MYO16: variants seen among roughly 807,000 people sequenced by gnomAD.
The protein encoded by MYO16 is myosin XVI.
MYO16 carries 94 observed loss-of-function variants against 205.3 expected under a neutral mutation model. That is an observed-to-expected ratio of 0.46 (90% confidence interval 0.39 to 0.54). The LOEUF is 0.54. MYO16 is among the 20% of genes least tolerant of loss of function. The pLI, the probability that MYO16 is intolerant of heterozygous loss-of-function variation, is 0.00. For missense variants in MYO16, 2,315 were observed against 2,387.5 expected, an observed-to-expected ratio of 0.97 and a Z score of 0.63; for synonymous variants, 988 against 954.0, an observed-to-expected ratio of 1.04 and a Z score of -0.66.
chr13:109,130,859 A>T (rs1392416348), intron 31 of MYO16, among the ~76,000 whole-genome samples: 3 of 152,240 alleles, frequency 2.0e-5, no homozygotes, highest in Non-Finnish European at 2.9e-5. Flanking sequence ...AATTAAGTTT[A>T]GAGTAAATAA....
intron 7 of MYO16, among the ~76,000 whole-genome samples, chr13:108,815,274 C>T (rs1029272477): frequency 1.3e-5 from 2 of 152,068 alleles, no homozygotes; most frequent in Non-Finnish European, 2.9e-5. Flanking sequence ...TGTCCTAATC[C>T]GCAGAACCTG....
chr13:108,873,467 A>G (rs1287695427), intron 12 of MYO16, among the ~76,000 whole-genome samples: 1 of 152,254 alleles, frequency 6.6e-6, no homozygotes, highest in Non-Finnish European at 1.5e-5. Context: ...ATGTCTACAC[A>G]AGGCGGCAGG....
chr13:109,197,493 C>T (rs1283145530), intron 34 of MYO16, among the ~76,000 whole-genome samples: 6 of 152,056 alleles, frequency 3.9e-5, no homozygotes, highest in Admixed American at 3.9e-4. Flanking sequence ...TACGCTTACT[C>T]CCTTTAAACT....
Position 108,699,072 on chromosome 13 carries a change from C to A in MYO16, c.293-13589C>A, listed in dbSNP as rs1281371415. Among the ~76,000 whole-genome samples the A allele has an allele frequency of 5.3e-5, 6 of 113,456 alleles. No homozygotes were observed. The Admixed American group carries it at 5.4e-4, about 10-fold the overall frequency. The allele number at this position is 113,456 out of a possible 152,430, so 74.4% of individuals were successfully genotyped here. On this transcript the variant is annotated intron_variant, in intron 2 of 34. Transcript: ENST00000457511. ...GACTTACTTTTAAAAGACTGTCTCT[C>A]TCTGTCTCTCTCTCTCTCTCTCTCT...
chr13:108,815,075 T>C (rs1417367613), intron 7 of MYO16, among the ~76,000 whole-genome samples: 1 of 152,154 alleles, frequency 6.6e-6, no homozygotes, highest in African/African-American at 2.4e-5. Flanking sequence ...AAGCATAACA[T>C]AGATAGTAAT....
At position 108,882,736 on chromosome 13, in the gene MYO16, A is replaced by G. The variant is rs74119689; in HGVS notation, c.1426-323A>G. On this transcript the variant is annotated intron_variant, in intron 12 of 34. Coordinates refer to ENST00000457511, the MANE Select transcript of MYO16 (RefSeq NM_001198950.3). ...TGCTGAGAGAAATTGTATTTGTTGTAAATTACCACAGTTTCAGCTTACTGC... is the reference window on the plus strand; with the variant it reads ...TGCTGAGAGAAATTGTATTTGTTGTGAATTACCACAGTTTCAGCTTACTGC... Among the ~76,000 whole-genome samples, 636 of 152,304 alleles carry G rather than the reference A, an allele frequency of 4.2e-3. 3 individuals carry two copies. Among genetic ancestry groups the G allele is most frequent in the African/African-American group, 0.015 (604 of 41,578 alleles).
At chr13:108,945,298 C>T (rs567195336) in intron 16 of MYO16, among the ~76,000 whole-genome samples, 1 of 152,234 alleles carries the variant, frequency 6.6e-6, no homozygotes, top group East Asian at 1.9e-4. Flanking sequence ...TTGGGTCTTT[C>T]TGGAAAATTT....
chr13:108,867,587 G>C (rs1878784197), intron 12 of MYO16, among the ~76,000 whole-genome samples: 1 of 152,124 alleles, frequency 6.6e-6, no homozygotes, highest in South Asian at 2.1e-4. Flanking sequence ...CTGACATGTG[G>C]TTATTAAATG....
chr13:108,895,632 A>AGTGCC (rs1880377098), intron 14 of MYO16, among the ~76,000 whole-genome samples: 1 of 152,176 alleles, frequency 6.6e-6, no homozygotes, highest in Non-Finnish European at 1.5e-5. Flanking sequence ...GTGATTCTGA[A>AGTGCC]AGCCAACTCA....
At chr13:109,193,180 GTT>G (rs1250360886) in intron 34 of MYO16, among the ~76,000 whole-genome samples, 2 of 151,904 alleles carry the variant, frequency 1.3e-5, no homozygotes, top group Non-Finnish European at 2.9e-5. Flanking sequence ...TGTATATAAA[GTT>G]TGTAACTCCT....
chr13:108,801,197 C>T (rs925592085), intron 6 of MYO16, among the ~76,000 whole-genome samples: 1 of 152,102 alleles, frequency 6.6e-6, no homozygotes, highest in African/African-American at 2.4e-5. Flanking sequence ...AGTCAATTCA[C>T]AAAAGAAAAA....
At chr13:108,554,135 A>C in the MYO16 span, among the ~76,000 whole-genome samples, 1 of 152,076 alleles carries the variant, frequency 6.6e-6, no homozygotes, top group African/African-American at 2.4e-5. Flanking sequence ...TCATGGACCA[A>C]GTTAATTCTG....
rs145325303 is a variant in MYO16 at position 108,867,414 on chromosome 13, G to A, written c.1425+1172G>A. 3.3e-5 allele frequency among the ~76,000 whole-genome samples: 5 copies of A among 152,098 alleles called. No individual in the cohort carries two copies. The East Asian group carries it at 9.7e-4, about 29-fold the overall frequency. On this transcript the variant is annotated intron_variant, in intron 12 of 34. Coordinates refer to ENST00000457511, the MANE Select transcript of MYO16 (RefSeq NM_001198950.3). Reference sequence around the variant, plus strand: ...ATTAAATTAAAAAGTCAGTGCCATGGTTACTTTAAAGCTGTGTTGAAACCT... The same window carrying A: ...ATTAAATTAAAAAGTCAGTGCCATGATTACTTTAAAGCTGTGTTGAAACCT...
intron 1 of MYO16, 104 bp downstream of exon 1, chr13:108,629,976 G>A (rs1879902170): frequency 1.5e-5 from 14 of 918,358 alleles, no homozygotes. Flanking sequence ...ACCACATTCA[G>A]ATGAGTGACA....
At chr13:108,899,423 CAA>C (rs776957070) in intron 15 of MYO16, among the ~76,000 whole-genome samples, 2 of 134,126 alleles carry the variant, frequency 1.5e-5, no homozygotes, top group Non-Finnish European at 1.6e-5. Flanking sequence ...AACTCCATCT[CAA>C]AAAAAAAAAA....
chr13:109,066,509 AAAC>A, intron 27 of MYO16, among the ~76,000 whole-genome samples: 1 of 152,326 alleles, frequency 6.6e-6, no homozygotes, highest in East Asian at 1.9e-4. Flanking sequence ...AGAGGAGCTT[AAAC>A]AACGCTTCCA....
intron 4 of MYO16, among the ~76,000 whole-genome samples, chr13:108,784,672 G>T (rs1485676783): frequency 6.6e-6 from 1 of 152,094 alleles, no homozygotes; most frequent in African/African-American, 2.4e-5. Context: ...TTATAAATTG[G>T]TATATAAGAA....
chr13:108,864,954 C>G (rs1878632947), intron 11 of MYO16, among the ~76,000 whole-genome samples: 1 of 152,106 alleles, frequency 6.6e-6, no homozygotes, highest in South Asian at 2.1e-4. Flanking sequence ...CAAAACTCTA[C>G]TCTCTTAGCT....
chr13:109,141,489 G>A lies in MYO16; in HGVS notation c.5164+113G>A, dbSNP rs1266268622. ...AATAGTAAAGTTTCAGGTGATGGCCGTGGTCGTTCAGAGCAGATATCAGCT... is the reference window on the plus strand; with the variant it reads ...AATAGTAAAGTTTCAGGTGATGGCCATGGTCGTTCAGAGCAGATATCAGCT... On this transcript the variant is annotated intron_variant, in intron 32 of 34. Transcript: ENST00000457511. The surrounding 1 kb of genome is among the most constrained non-coding windows in gnomAD (Gnocchi z 4.1). 5.3e-6 allele frequency: 4 copies of A among 755,348 alleles called. No individual in the cohort carries two copies. The highest frequency in any genetic ancestry group is 7.7e-6 in the Non-Finnish European group (4 of 519,400). The allele number at this position is 755,348 out of a possible 1,614,324, so 46.8% of individuals were successfully genotyped here. A position where few individuals can be genotyped will look rare whatever the true frequency, so the allele number is the denominator to read the frequency against.
Sources: allele counts gnomAD v4.1 joint callset (sites outside exome capture counted in the v4.1 genomes callset), GRCh38; gene constraint gnomAD v4.1.1; non-coding constraint Gnocchi (gnomAD v3.1); transcripts MANE v1.5; gene names NCBI Gene and HGNC (gene_info 2026-07-23, HGNC 2026-07-21).